Variants in SCFD2 observed in about 807,000 individuals in gnomAD.
The protein encoded by SCFD2 is sec1 family domain containing 2, also known as sec1 family domain-containing protein 2.
A neutral mutation model predicts 58.9 loss-of-function variants in SCFD2; 54 were observed. The observed-to-expected ratio is 0.92, with a 90% CI of 0.74 to 1.15. The LOEUF is 1.15. Ranked by LOEUF, SCFD2 falls within the 50% of genes most tolerant of loss-of-function variation. The pLI, the probability that SCFD2 is intolerant of heterozygous loss-of-function variation, is 0.00. For synonymous variants in SCFD2, 321 were observed against 335.9 expected (o/e 0.96, Z 0.49); for missense variants, 805 against 836.6 (o/e 0.96, Z 0.47).
chr4:52,885,851 G>A lies in SCFD2; in HGVS notation c.1858C>T (p.Pro620Ser), dbSNP rs1577797710. 6.2e-7 allele frequency: 1 copy of A among 1,614,140 alleles called. No homozygotes were observed. The highest frequency in any genetic ancestry group is 1.7e-5 in the Admixed American group (1 of 60,030). Residue 620 changes from proline to serine, a missense_variant, in exon 8 of 9, where the codon CCT becomes TCT. By Grantham distance (74) the Pro-to-Ser change is moderately conservative. Around this residue, in one of 3 missense-constraint regions of SCFD2, gnomAD observed 633 missense variants for 646.8 expected, o/e 0.98. Transcript: ENST00000401642. ...SMFMKVSRPHPSDYPLLILFV... is the reference protein window; with the variant it reads ...SMFMKVSRPHSSDYPLLILFV... The stretch of plus-strand genomic sequence containing the variant: ...AGGATCAGGAGGGGGTAGTCACTAG[G>A]ATGAGGCCGGCTCACCTGCAAAACA...
At chr4:53,017,191 A>G (rs1722235357) in intron 5 of SCFD2, among the ~76,000 whole-genome samples, 1 of 152,198 alleles carries the variant, frequency 6.6e-6, no homozygotes. Context: ...TAATTATAAC[A>G]CAATAGGCTA....
chr4:53,125,197 T>G (rs1474716819), intron 5 of SCFD2, among the ~76,000 whole-genome samples: 25 of 152,112 alleles, frequency 1.6e-4, no homozygotes, highest in Admixed American at 1.6e-3. Context: ...GTTTTATAGG[T>G]AAGAATGGGG....
At chr4:52,900,153 CA>C (rs1336522441) in intron 7 of SCFD2, among the ~76,000 whole-genome samples, 1 of 152,212 alleles carries the variant, frequency 6.6e-6, no homozygotes, top group Admixed American at 6.5e-5. Flanking sequence ...CTCAACTCGT[CA>C]AAGTCATTCT....
At chr4:53,163,064 A>G (rs956004680) in intron 4 of SCFD2, among the ~76,000 whole-genome samples, 8 of 152,072 alleles carry the variant, frequency 5.3e-5, no homozygotes, top group African/African-American at 1.9e-4. Flanking sequence ...ACCATTCCTC[A>G]CATTCATGAC....
intron 4 of SCFD2, among the ~76,000 whole-genome samples, chr4:53,259,532 G>C (rs1049790036): frequency 5.3e-5 from 8 of 152,178 alleles, no homozygotes; most frequent in African/African-American, 1.9e-4. Flanking sequence ...TGGCTGTTAA[G>C]TATTTGGCCT....
intron 5 of SCFD2, among the ~76,000 whole-genome samples, chr4:52,948,033 C>T (rs140830356): frequency 1.9e-3 from 268 of 140,096 alleles, no homozygotes; most frequent in African/African-American, 6.6e-3. Context: ...CAAAAAATCA[C>T]GTACAAAAAA....
At chr4:52,992,260 C>T (rs1157525923) in intron 5 of SCFD2, among the ~76,000 whole-genome samples, 2 of 152,174 alleles carry the variant, frequency 1.3e-5, no homozygotes, top group East Asian at 1.9e-4. Flanking sequence ...AGCTCCTAAC[C>T]GCGAGTGATC....
chr4:53,345,898 G>A (rs1180286187), intron 2 of SCFD2, among the ~76,000 whole-genome samples: 1 of 152,070 alleles, frequency 6.6e-6, no homozygotes, highest in Non-Finnish European at 1.5e-5. Context: ...ATTGAACAAT[G>A]AGAACACTTG....
intron 4 of SCFD2, among the ~76,000 whole-genome samples, chr4:53,172,529 G>A (rs1415733693): frequency 1.3e-5 from 2 of 151,950 alleles, no homozygotes; most frequent in Admixed American, 6.6e-5. Flanking sequence ...TTAAGTTTTG[G>A]TATATTGTTT....
intron 5 of SCFD2, among the ~76,000 whole-genome samples, chr4:53,027,381 T>C (rs1335663193): frequency 2.0e-5 from 3 of 152,164 alleles, no homozygotes; most frequent in Non-Finnish European, 2.9e-5. Flanking sequence ...CCAACGTCCT[T>C]GGATAGGGTG....
intron 7 of SCFD2, among the ~76,000 whole-genome samples, chr4:52,897,454 T>A (rs907228003): frequency 6.6e-6 from 1 of 152,250 alleles, no homozygotes; most frequent in Admixed American, 6.5e-5. Flanking sequence ...TAGGCTGGAT[T>A]AAGTTTATTG....
intron 4 of SCFD2, among the ~76,000 whole-genome samples, chr4:53,163,408 T>A (rs1327680986): frequency 3.9e-5 from 6 of 152,016 alleles, no homozygotes; most frequent in Non-Finnish European, 8.8e-5. Context: ...AAGAAATGAA[T>A]GACTGGATGG....
At chr4:52,996,300 TA>T (rs34842318) in intron 5 of SCFD2, among the ~76,000 whole-genome samples, 2,886 of 152,368 alleles carry the variant, frequency 0.019, 76 homozygotes, top group African/African-American at 0.06. Context: ...TTGGCGACTG[TA>T]ATGTGCAGAC....
intron 4 of SCFD2, among the ~76,000 whole-genome samples, chr4:53,175,976 T>C (rs1197888492): frequency 2.0e-5 from 3 of 152,226 alleles, no homozygotes; most frequent in Non-Finnish European, 1.5e-5. Flanking sequence ...TCTTCTCCCA[T>C]TCCATTCTTC....
intron 5 of SCFD2, among the ~76,000 whole-genome samples, chr4:52,980,086 GCCTT>G (rs1721342382): frequency 6.6e-6 from 1 of 152,184 alleles, no homozygotes; most frequent in African/African-American, 2.4e-5. Context: ...CTTGCCACCT[GCCTT>G]CCTTCATTTG....
intron 7 of SCFD2, among the ~76,000 whole-genome samples, chr4:52,900,038 G>C (rs942099071): frequency 1.1e-4 from 17 of 152,062 alleles, no homozygotes; most frequent in African/African-American, 3.9e-4. Context: ...GGTTATTGTA[G>C]TTATACATTT....
chr4:53,071,093 T>C (rs762828975), intron 5 of SCFD2, among the ~76,000 whole-genome samples: 9 of 152,094 alleles, frequency 5.9e-5, no homozygotes, highest in Non-Finnish European at 1.3e-4. Context: ...CTCCACTTCA[T>C]CTTTATTGTT....
chr4:53,145,309 C>T (rs775040214), intron 5 of SCFD2, 24 bp downstream of exon 5: 10 of 1,612,238 alleles, frequency 6.2e-6, no homozygotes, highest in African/African-American at 1.3e-5. Context: ...ATGTTTGTGT[C>T]CTGTATCTTT....
chr4:53,300,460 A>T (rs376007517), intron 3 of SCFD2, among the ~76,000 whole-genome samples: 1 of 152,316 alleles, frequency 6.6e-6, no homozygotes, highest in Admixed American at 6.5e-5. Context: ...AAGTCCTTAG[A>T]GACCTACAAA....
Sources: allele counts gnomAD v4.1 joint callset (sites outside exome capture counted in the v4.1 genomes callset), GRCh38; gene constraint gnomAD v4.1.1; regional missense constraint gnomAD v4.1.1; transcripts MANE v1.5; gene names NCBI Gene and HGNC (gene_info 2026-07-23, HGNC 2026-07-21).